TSPAN9: variants seen among roughly 807,000 people sequenced by gnomAD.
TSPAN9 encodes the protein tetraspanin 9, also known as tetraspanin-9.
A neutral mutation model predicts 31.0 loss-of-function variants in TSPAN9; 16 were observed. The ratio of observed to expected loss-of-function variants is 0.52; its 90% CI spans 0.35 to 0.78. The LOEUF (loss-of-function observed/expected upper bound fraction) is 0.78. Ranked by LOEUF, TSPAN9 falls within the 30% of genes least tolerant of loss-of-function variation. The pLI, the probability that TSPAN9 is intolerant of heterozygous loss-of-function variation, is 0.01. For synonymous variants in TSPAN9, 145 were observed against 121.6 expected, an observed-to-expected ratio of 1.19 and a Z score of -1.27; for missense variants, 272 against 312.5, an observed-to-expected ratio of 0.87 and a Z score of 0.98.
At chr12:3,278,840 T>C (rs1862844391) in intron 4 of TSPAN9, 152 bp from the exon 5 acceptor site, 1 of 919,308 alleles carries the variant, frequency 1.1e-6, no homozygotes, top group East Asian at 2.5e-5. Flanking sequence ...TTTATGTCTC[T>C]GTCCTAGCTA....
At chr12:3,088,776 T>A (rs974119485) in intron 2 of TSPAN9, among the ~76,000 whole-genome samples, 2 of 152,030 alleles carry the variant, frequency 1.3e-5, no homozygotes, top group African/African-American at 4.8e-5. Flanking sequence ...GGGGTTGTAA[T>A]GCTGGCTGGG....
intron 2 of TSPAN9, among the ~76,000 whole-genome samples, chr12:3,148,829 C>T (rs928075447): frequency 1.3e-5 from 2 of 152,204 alleles, no homozygotes; most frequent in African/African-American, 4.8e-5. Flanking sequence ...CCAGCCTCCC[C>T]ACGGCTGCAG....
At chr12:3,204,029 T>G (rs1211231304) in intron 3 of TSPAN9, among the ~76,000 whole-genome samples, 2 of 152,148 alleles carry the variant, frequency 1.3e-5, no homozygotes, top group Non-Finnish European at 2.9e-5. Context: ...TGCTGTCTTG[T>G]GCAGGGGGGC....
intron 2 of TSPAN9, among the ~76,000 whole-genome samples, chr12:3,196,733 G>A (rs2098367249): frequency 6.6e-6 from 1 of 152,310 alleles, no homozygotes; most frequent in Admixed American, 6.5e-5. Context: ...AGGCAGAACT[G>A]TTGCATTGCA....
At chr12:3,248,465 C>T in intron 3 of TSPAN9, among the ~76,000 whole-genome samples, 1 of 152,146 alleles carries the variant, frequency 6.6e-6, no homozygotes, top group East Asian at 1.9e-4. Context: ...CACTCCTGAT[C>T]TCCTGCCCTC....
chr12:3,137,319 G>C (rs953432979), intron 2 of TSPAN9, among the ~76,000 whole-genome samples: 4 of 152,296 alleles, frequency 2.6e-5, no homozygotes, highest in Non-Finnish European at 4.4e-5. Flanking sequence ...CGCTCTCCTG[G>C]CTGCCCCAGG....
At chr12:3,253,832 G>GT (rs1319195450) in intron 3 of TSPAN9, among the ~76,000 whole-genome samples, 2 of 152,210 alleles carry the variant, frequency 1.3e-5, no homozygotes, top group Non-Finnish European at 2.9e-5. Flanking sequence ...GGGCCTGGTG[G>GT]TGTGCCCTCC....
At chr12:3,249,126 A>G (rs560068066) in intron 3 of TSPAN9, among the ~76,000 whole-genome samples, 5 of 152,184 alleles carry the variant, frequency 3.3e-5, no homozygotes, top group Non-Finnish European at 7.3e-5. Context: ...GGCCTTAGCC[A>G]TGTTAACAGC....
chr12:3,208,632 C>G (rs987413212), intron 3 of TSPAN9, among the ~76,000 whole-genome samples: 2 of 152,208 alleles, frequency 1.3e-5, no homozygotes, highest in Non-Finnish European at 2.9e-5. Flanking sequence ...AGGTCCGGGT[C>G]ACTTTCCCAA....
At chr12:3,263,665 T>G (rs1265711100) in intron 3 of TSPAN9, among the ~76,000 whole-genome samples, 2 of 152,176 alleles carry the variant, frequency 1.3e-5, no homozygotes. Flanking sequence ...AGCATTGTGC[T>G]TGATACTAGG....
At chr12:3,222,894 G>C (rs1458190800) in intron 3 of TSPAN9, among the ~76,000 whole-genome samples, 1 of 152,060 alleles carries the variant, frequency 6.6e-6, no homozygotes, top group Non-Finnish European at 1.5e-5. Context: ...CGGAGATCCC[G>C]AGGGGGCCCT....
intron 2 of TSPAN9, among the ~76,000 whole-genome samples, chr12:3,191,004 T>C (rs2098364085): frequency 6.6e-6 from 1 of 152,160 alleles, no homozygotes; most frequent in Non-Finnish European, 1.5e-5. Flanking sequence ...CTATGCGTTA[T>C]TGGTATACCA....
intron 3 of TSPAN9, among the ~76,000 whole-genome samples, chr12:3,212,168 C>T (rs557664209): frequency 7.9e-5 from 12 of 151,778 alleles, no homozygotes; most frequent in South Asian, 2.1e-4. Context: ...GATGGGGCTT[C>T]GCTATGTTGC....
At chr12:3,248,618 C>T (rs1351661214) in intron 3 of TSPAN9, among the ~76,000 whole-genome samples, 3 of 86,160 alleles carry the variant, frequency 3.5e-5, no homozygotes, top group African/African-American at 8.1e-5. Flanking sequence ...TACAGTGAGC[C>T]TGGGAGGTGG....
intron 3 of TSPAN9, among the ~76,000 whole-genome samples, chr12:3,231,716 C>T (rs1412022406): frequency 1.3e-5 from 2 of 152,260 alleles, no homozygotes; most frequent in African/African-American, 4.8e-5. Context: ...GGGCGGGCGG[C>T]GCCTTCAGAT....
chr12:3,246,462 G>A (rs1346991038), intron 3 of TSPAN9, among the ~76,000 whole-genome samples: 2 of 152,164 alleles, frequency 1.3e-5, no homozygotes, highest in African/African-American at 4.8e-5. Flanking sequence ...TTGGCAGAAG[G>A]CCCTGAACAC....
At chr12:3,246,977 G>A (rs1405888714) in intron 3 of TSPAN9, among the ~76,000 whole-genome samples, 3 of 152,186 alleles carry the variant, frequency 2.0e-5, no homozygotes, top group Non-Finnish European at 4.4e-5. Context: ...GCTTTTGGCC[G>A]CTGGGAGGAT....
intron 3 of TSPAN9, among the ~76,000 whole-genome samples, chr12:3,251,304 G>A (rs963512513): frequency 1.3e-5 from 2 of 152,160 alleles, no homozygotes; most frequent in African/African-American, 4.8e-5. Flanking sequence ...GAGCTGCCCC[G>A]GTGATGAAAT....
At chr12:3,153,256 T>A (rs958572585) in intron 2 of TSPAN9, among the ~76,000 whole-genome samples, 8 of 152,262 alleles carry the variant, frequency 5.3e-5, no homozygotes, top group South Asian at 2.1e-4. Context: ...TTGGGCATTT[T>A]AAAAAAATAC....
Sources: gnomAD v4.1 joint callset for allele counts (sites outside exome capture counted in the v4.1 genomes callset) on GRCh38, gnomAD v4.1.1 for gene constraint, MANE v1.5 for transcripts, NCBI Gene and HGNC (gene_info 2026-07-23, HGNC 2026-07-21) for gene names.